CCDC171: variants seen among roughly 807,000 people sequenced by gnomAD.
The protein encoded by CCDC171 is coiled-coil domain-containing protein 171.
Under a neutral mutation model 168.2 loss-of-function variants are expected in CCDC171, and 177 were observed. That is an observed-to-expected ratio of 1.05 (90% CI 0.93 to 1.19). CCDC171 has a LOEUF of 1.19. Ranked by LOEUF, CCDC171 falls within the 50% of genes most tolerant of loss-of-function variation. The pLI, the probability that CCDC171 is intolerant of heterozygous loss-of-function variation, is 0.00. For synonymous variants in CCDC171, 687 were observed against 540.8 expected, an observed-to-expected ratio of 1.27 and a Z score of -3.75; for missense variants, 1,991 against 1,539.0, an observed-to-expected ratio of 1.29 and a Z score of -4.91.
At chr9:15,746,893 G>C (rs988917869) in intron 18 of CCDC171, among the ~76,000 whole-genome samples, 1 of 152,214 alleles carries the variant, frequency 6.6e-6, no homozygotes. Flanking sequence ...GTACACTTCT[G>C]CTCAAATACT....
At chr9:15,843,458 T>G (rs189542245) in intron 21 of CCDC171, among the ~76,000 whole-genome samples, 1 of 152,092 alleles carries the variant, frequency 6.6e-6, no homozygotes, top group Non-Finnish European at 1.5e-5. Flanking sequence ...GCTTTGAATT[T>G]TTTTTTCTTG....
chr9:16,003,642 G>A (rs1200741562), intron 3 of CCDC171, among the ~76,000 whole-genome samples: 1 of 152,180 alleles, frequency 6.6e-6, no homozygotes, highest in South Asian at 2.1e-4. Flanking sequence ...AAATACTCTG[G>A]TTGGGCTTTT....
At chr9:15,672,591 C>T (rs1415421888) in intron 9 of CCDC171, among the ~76,000 whole-genome samples, 1 of 152,138 alleles carries the variant, frequency 6.6e-6, no homozygotes, top group East Asian at 1.9e-4. Context: ...TTCTGAACAC[C>T]ATTTATTAAA....
chr9:15,743,092 A>G (rs572090679), intron 16 of CCDC171, among the ~76,000 whole-genome samples: 1 of 144,756 alleles, frequency 6.9e-6, no homozygotes, highest in Non-Finnish European at 1.5e-5. Context: ...ATAAATGTTT[A>G]TTGAATAATA....
intron 7 of CCDC171, among the ~76,000 whole-genome samples, chr9:15,631,990 T>A (rs1302516751): frequency 6.6e-6 from 1 of 152,138 alleles, no homozygotes; most frequent in Admixed American, 6.6e-5. Context: ...CTAAAAACTC[T>A]CAATAAATTA....
chr9:15,678,854 T>C lies in CCDC171; in HGVS notation c.1173T>C (p.Tyr391=). ...TAGACCTTTCAAAGAGACTCCAGTATAATGAAAAAAGTTGCAGTGAATTAC... is the reference window on the plus strand; with the variant it reads ...TAGACCTTTCAAAGAGACTCCAGTACAATGAAAAAAGTTGCAGTGAATTAC... The part of the protein sequence containing the change: ...VIIDLSKRLQ[Y]NEKSCSELQE... The change falls in exon 10 of 26, where the codon TAT becomes TAC. Residue 391 remains tyrosine, a synonymous_variant. Coordinates refer to ENST00000380701, the MANE Select transcript of CCDC171 (RefSeq NM_173550.4). The C allele has an allele frequency of 1.9e-6, 3 of 1,594,152 alleles. No individual in the cohort carries two copies. The highest frequency in any genetic ancestry group is 2.6e-6 in the Non-Finnish European group (3 of 1,172,726).
At chr9:15,964,505 A>G (rs1172337220) in intron 25 of CCDC171, among the ~76,000 whole-genome samples, 1 of 152,070 alleles carries the variant, frequency 6.6e-6, no homozygotes, top group Admixed American at 6.6e-5. Flanking sequence ...TTTTCTGGCC[A>G]TTTCTGGCAC....
intron 4 of CCDC171, among the ~76,000 whole-genome samples, chr9:15,587,038 C>G (rs904980840): frequency 6.6e-6 from 1 of 152,148 alleles, no homozygotes; most frequent in Non-Finnish European, 1.5e-5. Flanking sequence ...GTGTCAAACC[C>G]TTGGCCACAA....
intron 23 of CCDC171, among the ~76,000 whole-genome samples, chr9:15,850,470 A>G (rs1024480217): frequency 6.6e-6 from 1 of 151,946 alleles, no homozygotes; most frequent in African/African-American, 2.4e-5. Context: ...CTGTCTGTAA[A>G]TCTGGTCTAT....
At chr9:15,711,039 C>G (rs1306244094) in intron 11 of CCDC171, among the ~76,000 whole-genome samples, 1 of 152,044 alleles carries the variant, frequency 6.6e-6, no homozygotes, top group African/African-American at 2.4e-5. Context: ...AGATTTTCTC[C>G]CAATTGGTAA....
rs574476355 is a variant in CCDC171, at chr9:15,675,324, G to C, written c.1077-3434G>C. Reference sequence around the variant, plus strand: ...ACACTGATGGGTCTTGACTCTTTATGCAATTTGCCAGTCTGTGTCTTTTAC... The same window carrying C: ...ACACTGATGGGTCTTGACTCTTTATCCAATTTGCCAGTCTGTGTCTTTTAC... On this transcript the variant is annotated intron_variant, in intron 9 of 25. Transcript: ENST00000380701. 7.1e-3 allele frequency among the ~76,000 whole-genome samples: 1,060 copies of C among 148,578 alleles called. 10 individuals are homozygous for C. Among genetic ancestry groups the C allele is most frequent in the Middle Eastern group, 0.022 (6 of 278 alleles).
At position 15,891,465 on chromosome 9, in the gene CCDC171, A is replaced by C. The variant is rs377120369; in HGVS notation, c.3600+16802A>C. ...TTTGGTCCATTGTCAGATCTGATCA[A>C]AGCAGTTGGATCTTTGTAGGTCGAT... On this transcript the variant is annotated intron_variant, in intron 24 of 25. Coordinates refer to ENST00000380701, the MANE Select transcript of CCDC171 (RefSeq NM_173550.4). Among the ~76,000 whole-genome samples the C allele has an allele frequency of 1.4e-3, 213 of 152,302 alleles. 1 individual carries two copies. Among genetic ancestry groups the C allele is most frequent in the African/African-American group, 4.7e-3 (197 of 41,566 alleles).
the CCDC171 span, among the ~76,000 whole-genome samples, chr9:16,101,159 A>G: frequency 2.0e-5 from 3 of 152,180 alleles, no homozygotes; most frequent in African/African-American, 7.2e-5. Flanking sequence ...TGCTACACAA[A>G]GGAAATACAT....
At chr9:15,812,694 A>G (rs1269827779) in intron 21 of CCDC171, among the ~76,000 whole-genome samples, 1 of 152,168 alleles carries the variant, frequency 6.6e-6, no homozygotes, top group Non-Finnish European at 1.5e-5. Context: ...TTAGGGACTA[A>G]TTAAGGAATT....
At position 15,869,735 on chromosome 9, in the gene CCDC171, T is replaced by C. The variant is rs531542964; in HGVS notation, c.3469-4797T>C. Among the ~76,000 whole-genome samples the C allele has an allele frequency of 2.4e-4, 37 of 151,816 alleles. No individual in the cohort carries two copies. The South Asian group carries it at 3.5e-3, about 15-fold the overall frequency. Reference sequence around the variant, plus strand: ...AGGAAAGTTAGGACCAGTCAAGATGTGTACTAGACTATATAAAACTTGAAA... The same window carrying C: ...AGGAAAGTTAGGACCAGTCAAGATGCGTACTAGACTATATAAAACTTGAAA... On this transcript the variant is annotated intron_variant, in intron 23 of 25. Transcript: ENST00000380701.
chr9:16,099,087 C>T, the CCDC171 span, among the ~76,000 whole-genome samples: 1 of 152,124 alleles, frequency 6.6e-6, no homozygotes. Flanking sequence ...TGATTCCAGA[C>T]TGTTTAGAGA....
chr9:15,731,126 A>G (rs1454670812), intron 16 of CCDC171, among the ~76,000 whole-genome samples: 2 of 152,066 alleles, frequency 1.3e-5, no homozygotes, highest in African/African-American at 2.4e-5. Context: ...ATTGTTGTTA[A>G]TAAAGTCACC....
At chr9:15,683,612 AGT>A (rs2050186240) in intron 10 of CCDC171, among the ~76,000 whole-genome samples, 1 of 151,980 alleles carries the variant, frequency 6.6e-6, no homozygotes, top group South Asian at 2.1e-4. Flanking sequence ...TCATCGCGTA[AGT>A]GTCTTTGTGT....
chr9:15,649,726 A>G (rs188237975), intron 7 of CCDC171, among the ~76,000 whole-genome samples: 4,312 of 152,234 alleles, frequency 0.028, 198 homozygotes, highest in African/African-American at 0.099. Context: ...TTAGAATGGC[A>G]ATCATTAAAA....
Sources: gnomAD v4.1 joint callset for allele counts (sites outside exome capture counted in the v4.1 genomes callset) on GRCh38, gnomAD v4.1.1 for gene constraint, MANE v1.5 for transcripts, NCBI Gene and HGNC (gene_info 2026-07-23, HGNC 2026-07-21) for gene names.